Variants in ACSM3 observed in about 807,000 individuals in gnomAD.
ACSM3 encodes acyl-coenzyme A synthetase ACSM3, mitochondrial.
Under a neutral mutation model 74.1 loss-of-function variants are expected in ACSM3, and 61 were observed. The observed-to-expected ratio is 0.82, with a 90% CI of 0.67 to 1.02. The LOEUF is 1.02. Ranked by LOEUF, ACSM3 falls within the 50% of genes least tolerant of loss-of-function variation. The pLI, the probability that ACSM3 is intolerant of heterozygous loss-of-function variation, is 0.00. For synonymous variants in ACSM3, 213 were observed against 241.5 expected (o/e 0.88, Z 1.09); for missense variants, 660 against 697.0 (o/e 0.95, Z 0.60).
chr16:20,763,536 G>T (rs2080094529), upstream of ACSM3, among the ~76,000 whole-genome samples: 1 of 152,184 alleles, frequency 6.6e-6, no homozygotes, highest in African/African-American at 2.4e-5. Context: ...ACTCCTTGCA[G>T]TTCATGTAAG....
intron 3 of ACSM3, among the ~76,000 whole-genome samples, chr16:20,756,806 T>C (rs1400697146): frequency 6.6e-6 from 1 of 152,234 alleles, no homozygotes; most frequent in East Asian, 1.9e-4. Flanking sequence ...TGAATTAATT[T>C]TTGTATAATG....
At chr16:20,791,826 G>T (rs1325699841) in intron 10 of ACSM3, among the ~76,000 whole-genome samples, 176 bp from the exon 11 acceptor site, 2 of 152,082 alleles carry the variant, frequency 1.3e-5, no homozygotes, top group African/African-American at 2.4e-5. Flanking sequence ...TATTTGGAAG[G>T]CTGAGGCAGG....
chr16:20,727,289 G>T, intron 1 of ACSM3: 1 of 541,362 alleles, frequency 1.8e-6, no homozygotes, highest in Non-Finnish European at 3.6e-6. Context: ...TTATCTTGCA[G>T]GGAAAGCACT....
intron 1 of ACSM3, among the ~76,000 whole-genome samples, chr16:20,697,963 G>A (rs1368058600): frequency 6.6e-6 from 1 of 152,150 alleles, no homozygotes; most frequent in African/African-American, 2.4e-5. Flanking sequence ...GGGAGGCCGA[G>A]GCGGGCGGAT....
chr16:20,753,880 GAGAGAGAA>G (rs2080007663), intron 2 of ACSM3, among the ~76,000 whole-genome samples: 1 of 150,178 alleles, frequency 6.7e-6, no homozygotes, highest in African/African-American at 2.5e-5. Context: ...AGAAAAGAGA[GAGAGAGAA>G]AGAAAGAAAG....
chr16:20,757,010 C>T (rs2080037220), intron 3 of ACSM3, among the ~76,000 whole-genome samples: 1 of 151,524 alleles, frequency 6.6e-6, no homozygotes, highest in Admixed American at 6.6e-5. Flanking sequence ...GTTTTGGTAC[C>T]AGTACCATGC....
chr16:20,751,596 C>T (rs918693074), intron 2 of ACSM3, among the ~76,000 whole-genome samples: 1 of 152,174 alleles, frequency 6.6e-6, no homozygotes, highest in Non-Finnish European at 1.5e-5. Flanking sequence ...ATCCCCCTGC[C>T]AAGTGATAGT....
intron 1 of ACSM3, chr16:20,680,150 C>T (rs2079409215): frequency 2.0e-5 from 3 of 152,166 alleles, no homozygotes. Flanking sequence ...GTTAACCAAA[C>T]CAAACTGTAA....
chr16:20,704,672 T>A (rs372036934), intron 1 of ACSM3, among the ~76,000 whole-genome samples: 4 of 152,164 alleles, frequency 2.6e-5, no homozygotes, highest in Non-Finnish European at 4.4e-5. Flanking sequence ...AGAAGAGGCA[T>A]ATAAAAGACA....
intron 1 of ACSM3, among the ~76,000 whole-genome samples, chr16:20,707,057 T>G (rs1215939324): frequency 6.6e-6 from 1 of 152,102 alleles, no homozygotes; most frequent in East Asian, 1.9e-4. Flanking sequence ...TTGCAAATCC[T>G]GAAATGACCC....
intron 1 of ACSM3, among the ~76,000 whole-genome samples, chr16:20,765,915 G>A (rs187696974): frequency 8.9e-4 from 135 of 152,164 alleles, no homozygotes; most frequent in African/African-American, 2.8e-3. Flanking sequence ...GTTTTCTTGC[G>A]TAACATCACA....
At chr16:20,759,372 A>G (rs9925013), upstream of ACSM3, among the ~76,000 whole-genome samples, 64,765 of 151,870 alleles carry the variant, frequency 0.43, 16,347 homozygotes, top group Non-Finnish European at 0.58. Flanking sequence ...CTTGGCTAAC[A>G]CACGGTGAAA....
Position 20,742,090 on chromosome 16 carries a change from C to T in ACSM3, c.-189-7820C>T, listed in dbSNP as rs1302982593. ...CAACCTTGGTACCTGTTCCTCCAGC[C>T]TTCCCTATAATTCTGCCAGCTACTG... is the stretch of plus-strand genomic sequence containing the variant. On this transcript the variant is annotated intron_variant, in intron 1 of 3. Transcript: ENST00000561584. 2.3e-6 allele frequency: 3 copies of T among 1,297,910 alleles called. No individual in the cohort carries two copies. In the South Asian group the frequency reaches 4.6e-5, roughly 20 times the overall value. The allele number at this position is 1,297,910 out of a possible 1,614,324, so 80.4% of individuals were successfully genotyped here. A position where few individuals can be genotyped will look rare whatever the true frequency, so the allele number is the denominator to read the frequency against.
intron 1 of ACSM3, chr16:20,736,738 G>A (rs1473337402): frequency 6.1e-5 from 49 of 799,024 alleles, no homozygotes; most frequent in Non-Finnish European, 7.6e-5. Context: ...ACAGGGCTGC[G>A]CAATCATTGC....
intron 1 of ACSM3, among the ~76,000 whole-genome samples, chr16:20,717,278 C>T (rs1204796945): frequency 6.6e-6 from 1 of 152,226 alleles, no homozygotes; most frequent in Non-Finnish European, 1.5e-5. Flanking sequence ...ATTGTCCATA[C>T]TGCATCATGT....
intron 1 of ACSM3, chr16:20,734,682 T>G (rs2079854149): frequency 6.6e-6 from 1 of 152,208 alleles, no homozygotes; most frequent in African/African-American, 2.4e-5. Flanking sequence ...CAGACTTTGT[T>G]GGTGTCTGCC....
chr16:20,732,267 G>C (rs896834190), intron 1 of ACSM3, among the ~76,000 whole-genome samples: 1 of 152,112 alleles, frequency 6.6e-6, no homozygotes, highest in African/African-American at 2.4e-5. Flanking sequence ...GGTTGATACT[G>C]ACTGATCCTC....
chr16:20,737,223 A>T (rs1487081376), intron 1 of ACSM3: 2 of 1,614,160 alleles, frequency 1.2e-6, no homozygotes, highest in South Asian at 1.1e-5. Flanking sequence ...GATTTCTACT[A>T]CCACTGTGTA....
intron 1 of ACSM3, chr16:20,685,458 T>C: frequency 6.6e-7 from 1 of 1,507,166 alleles, no homozygotes; most frequent in Non-Finnish European, 9.2e-7. Flanking sequence ...AAAGGGCACT[T>C]AGTAAACTAA....
Sources: allele counts gnomAD v4.1 joint callset (sites outside exome capture counted in the v4.1 genomes callset), GRCh38; gene constraint gnomAD v4.1.1; transcripts MANE v1.5; gene names NCBI Gene and HGNC (gene_info 2026-07-23, HGNC 2026-07-21).